Variants in MBD5 observed in about 807,000 individuals in gnomAD.
MBD5 encodes methyl-CpG-binding domain protein 5.
In MBD5, 13 loss-of-function variants were observed where a neutral mutation model predicts 117.3. The observed-to-expected ratio is 0.11, with a 90% CI of 0.07 to 0.18. MBD5 has a LOEUF of 0.18. MBD5 is among the 10% of genes least tolerant of loss of function. MBD5 has a pLI of 1.00. For synonymous variants in MBD5, 727 were observed against 766.4 expected, an observed-to-expected ratio of 0.95 and a Z score of 0.85; for missense variants, 1,879 against 2,093.8, an observed-to-expected ratio of 0.90 and a Z score of 2.00.
chr2:148,065,446 C>T (rs1334850179), intron 1 of MBD5, among the ~76,000 whole-genome samples: 1 of 152,108 alleles, frequency 6.6e-6, no homozygotes, highest in Non-Finnish European at 1.5e-5. Flanking sequence ...CTGTGTTCTC[C>T]TAGCTTGTGA....
At chr2:148,194,584 G>A (rs1462196657) in intron 2 of MBD5, among the ~76,000 whole-genome samples, 25 of 101,928 alleles carry the variant, frequency 2.5e-4, no homozygotes, top group East Asian at 3.1e-4. Context: ...CACAGGAAGC[G>A]GAATATCACA....
chr2:148,424,265 C>T (rs1473255510), intron 4 of MBD5, among the ~76,000 whole-genome samples: 2 of 125,204 alleles, frequency 1.6e-5, no homozygotes, highest in Admixed American at 1.7e-4. Context: ...TTTAAACCAA[C>T]AAAGATCAAA....
intron 4 of MBD5, among the ~76,000 whole-genome samples, chr2:148,407,132 CCAA>C (rs1206598970): frequency 6.6e-6 from 1 of 152,108 alleles, no homozygotes; most frequent in African/African-American, 2.4e-5. Flanking sequence ...TCCTCATCAT[CCAA>C]ATACTACTGA....
Position 148,468,590 on chromosome 2 carries a change from G to A in MBD5, c.647G>A (p.Gly216Asp). Residue 216 changes from glycine to aspartate, a missense_variant, in exon 8 of 14, where the codon GGC becomes GAC. Around this residue, in one of 4 missense-constraint regions of MBD5, gnomAD observed 1,666 missense variants for 1,792.2 expected, o/e 0.93. Coordinates refer to ENST00000642680, the MANE Select transcript of MBD5 (RefSeq NM_001378120.1). ...SEHGQKSPFR[G>D]SHGGLPSPAS... ...CATGGACAGAAATCTCCATTCCGTG[G>A]CAGCCATGGAGGCCTGCCCAGCCCA... 6.2e-7 allele frequency: 1 copy of A among 1,613,880 alleles called. No individual in the cohort carries two copies. The highest frequency in any genetic ancestry group is 1.1e-5 in the South Asian group (1 of 91,074).
chr2:148,183,652 CCCTATGTTCT>C lies in MBD5; in HGVS notation c.-831+4863_-831+4872del, dbSNP rs1698581425. Among the ~76,000 whole-genome samples the C allele has an allele frequency of 2.0e-5, 3 of 152,144 alleles. No homozygotes were observed. The South Asian group carries it at 6.2e-4, about 32-fold the overall frequency. On this transcript the variant is annotated intron_variant, in intron 2 of 13. Transcript: ENST00000642680. ...TACTTTAAATCCTAAACCATTATGCCCCTATGTTCTCCTTTTCTTAGTTGTTGGCTATTTA... is the reference window on the plus strand; with the variant it reads ...TACTTTAAATCCTAAACCATTATGCCCCTTTTCTTAGTTGTTGGCTATTTA...
chr2:148,063,294 T>C (rs1169903643), intron 1 of MBD5, among the ~76,000 whole-genome samples: 2 of 152,182 alleles, frequency 1.3e-5, no homozygotes, highest in Admixed American at 6.5e-5. Flanking sequence ...CATTTTAGTA[T>C]AATTTGCTTT....
chr2:148,346,206 A>AGAAGAG (rs553570139), intron 4 of MBD5: 613 of 152,422 alleles, frequency 4.0e-3, no homozygotes, highest in Middle Eastern at 7.9e-3. Flanking sequence ...AAGAAGAAGA[A>AGAAGAG]GAAGAGGAAG....
At chr2:148,496,217 T>C (rs941507489) in intron 11 of MBD5, among the ~76,000 whole-genome samples, 1 of 152,234 alleles carries the variant, frequency 6.6e-6, no homozygotes, top group African/African-American at 2.4e-5. Flanking sequence ...ATCAATGCCC[T>C]GTCAGCACCA....
chr2:148,062,877 CACTT>C (rs1167625075), intron 1 of MBD5, among the ~76,000 whole-genome samples: 3 of 151,976 alleles, frequency 2.0e-5, no homozygotes, highest in African/African-American at 7.2e-5. Flanking sequence ...TAAATGCAGT[CACTT>C]ATATTTCTTA....
chr2:148,155,995 A>G (rs1697863464), intron 1 of MBD5, among the ~76,000 whole-genome samples: 1 of 152,224 alleles, frequency 6.6e-6, no homozygotes, highest in South Asian at 2.1e-4. Context: ...GACCACTTGT[A>G]CAAATGCCCA....
At chr2:148,268,430 CT>C in intron 3 of MBD5, among the ~76,000 whole-genome samples, 1 of 151,876 alleles carries the variant, frequency 6.6e-6, no homozygotes, top group Non-Finnish European at 1.5e-5. Context: ...TTATATGAGG[CT>C]CTCCTTGTTT....
intron 3 of MBD5, among the ~76,000 whole-genome samples, chr2:148,294,286 G>A (rs1170570653): frequency 4.9e-5 from 7 of 142,872 alleles, no homozygotes; most frequent in African/African-American, 1.3e-4. Flanking sequence ...GTGCAGTGGC[G>A]TGATCTCGGC....
rs575342435 is a variant in MBD5 at position 148,226,799 on chromosome 2, A to G, written c.-830-6446A>G. Among the ~76,000 whole-genome samples the G allele has an allele frequency of 2.7e-4, 41 of 152,146 alleles. 1 individual carries two copies. The South Asian group carries it at 7.5e-3, about 28-fold the overall frequency. ...GTTGTTTCCTGACTTTTTAATGATC[A>G]CTATTCTAACTGGTGTGAGATGGTA... is the stretch of plus-strand genomic sequence containing the variant. On this transcript the variant is annotated intron_variant, in intron 2 of 13. Coordinates refer to ENST00000642680, the MANE Select transcript of MBD5 (RefSeq NM_001378120.1).
chr2:148,472,176 A>G (rs72861119), intron 8 of MBD5: 2 of 152,168 alleles, frequency 1.3e-5, no homozygotes, highest in Admixed American at 6.6e-5. Context: ...GACTTATTTA[A>G]TACTGTTTTG....
intron 7 of MBD5, 62 bp from the exon 8 acceptor site, chr2:148,468,279 T>A: frequency 3.6e-6 from 5 of 1,382,686 alleles, no homozygotes; most frequent in Non-Finnish European, 5.1e-6. Flanking sequence ...ATTCCTTCCC[T>A]CCCTCCCACC....
At chr2:148,064,524 T>C (rs778338659) in intron 1 of MBD5, among the ~76,000 whole-genome samples, 26 of 152,162 alleles carry the variant, frequency 1.7e-4, no homozygotes, top group Non-Finnish European at 2.8e-4. Context: ...CAAAGCTATA[T>C]TCTTCTTCAT....
At chr2:148,029,591 T>A (rs942858381) in intron 1 of MBD5, among the ~76,000 whole-genome samples, 7 of 152,220 alleles carry the variant, frequency 4.6e-5, no homozygotes, top group Non-Finnish European at 7.4e-5. Context: ...AAGGGTTTTT[T>A]GTTTTTAAAA....
intron 3 of MBD5, among the ~76,000 whole-genome samples, chr2:148,326,055 C>T (rs1702440636): frequency 6.6e-6 from 1 of 152,112 alleles, no homozygotes; most frequent in Non-Finnish European, 1.5e-5. Context: ...TCATTGGTTT[C>T]AAAGAACATC....
chr2:148,491,283 G>C (rs1015528618), intron 11 of MBD5, among the ~76,000 whole-genome samples: 2 of 148,774 alleles, frequency 1.3e-5, no homozygotes, highest in Non-Finnish European at 3.0e-5. Flanking sequence ...GAAATTAGTA[G>C]GGGTCTTCTG....
Sources: allele counts gnomAD v4.1 joint callset (sites outside exome capture counted in the v4.1 genomes callset), GRCh38; gene constraint gnomAD v4.1.1; regional missense constraint gnomAD v4.1.1; transcripts MANE v1.5; gene names NCBI Gene and HGNC (gene_info 2026-07-23, HGNC 2026-07-21).